The following ZNF277 variants were observed in gnomAD, a reference collection of about 807,000 sequenced individuals.
ZNF277 encodes zinc finger protein 277, also known as nuclear receptor-interacting factor 4.
ZNF277 carries 55 observed loss-of-function variants against 60.7 expected under a neutral mutation model. That is an observed-to-expected ratio of 0.91 (90% CI 0.73 to 1.13). ZNF277 has a LOEUF of 1.13. Ranked by LOEUF, ZNF277 falls within the 50% of genes most tolerant of loss-of-function variation. The pLI is 0.00. For missense variants in ZNF277, 510 were observed against 523.0 expected, an observed-to-expected ratio of 0.98 and a Z score of 0.24; for synonymous variants, 178 against 179.3, an observed-to-expected ratio of 0.99 and a Z score of 0.06.
chr7:112,309,026 C>T (rs1792663401), intron 4 of ZNF277, among the ~76,000 whole-genome samples: 1 of 151,988 alleles, frequency 6.6e-6, no homozygotes, highest in Non-Finnish European at 1.5e-5. Flanking sequence ...AAGGATGTTC[C>T]TTTCCCCCAG....
At chr7:112,333,208 T>A (rs1260054395) in intron 7 of ZNF277, among the ~76,000 whole-genome samples, 2 of 152,080 alleles carry the variant, frequency 1.3e-5, no homozygotes, top group Admixed American at 1.3e-4. Flanking sequence ...AAGGCTGACA[T>A]GAGTGCATGA....
At position 112,311,844 on chromosome 7, in the gene ZNF277, G is replaced by A. The variant is rs146107926; in HGVS notation, c.466-6338G>A. Among the ~76,000 whole-genome samples, 186 of 152,246 alleles carry A rather than the reference G, an allele frequency of 1.2e-3. 1 individual carries two copies. Among genetic ancestry groups the A allele is most frequent in the African/African-American group, 4.2e-3 (176 of 41,566 alleles). On this transcript the variant is annotated intron_variant, in intron 4 of 11. Coordinates refer to ENST00000361822, the MANE Select transcript of ZNF277 (RefSeq NM_021994.3). ...TTTTCTCCCTGATCAGCAATTGTCA[G>A]TATGTTTACCACAGAAGAAGGATGC...
At chr7:112,263,505 C>G (rs1223451736) in intron 1 of ZNF277, among the ~76,000 whole-genome samples, 1 of 152,146 alleles carries the variant, frequency 6.6e-6, no homozygotes, top group East Asian at 1.9e-4. Flanking sequence ...TAGAAACAGG[C>G]CTTCTTCTTT....
At chr7:112,262,383 A>G (rs1232694361) in intron 1 of ZNF277, among the ~76,000 whole-genome samples, 2 of 152,092 alleles carry the variant, frequency 1.3e-5, no homozygotes, top group South Asian at 4.1e-4. Context: ...CCAAAAAGAG[A>G]GCACTGTATG....
At chr7:112,265,430 T>G (rs1791530111) in intron 1 of ZNF277, among the ~76,000 whole-genome samples, 1 of 152,166 alleles carries the variant, frequency 6.6e-6, no homozygotes, top group Non-Finnish European at 1.5e-5. Context: ...CGCAATTTGT[T>G]AGCTCCCCAA....
At chr7:112,209,210 A>G (rs10235364) in intron 1 of ZNF277, among the ~76,000 whole-genome samples, 8,400 of 152,128 alleles carry the variant, frequency 0.055, 615 homozygotes, top group African/African-American at 0.17. Flanking sequence ...TAATGTTGCA[A>G]TGAACAACTT....
intron 6 of ZNF277, among the ~76,000 whole-genome samples, chr7:112,329,481 A>G (rs1356953665): frequency 1.3e-5 from 2 of 152,240 alleles, no homozygotes; most frequent in African/African-American, 2.4e-5. Flanking sequence ...TCTTATTCAC[A>G]TACATGAATA....
At chr7:112,274,121 T>A (rs1461080903) in intron 1 of ZNF277, among the ~76,000 whole-genome samples, 4 of 151,924 alleles carry the variant, frequency 2.6e-5, no homozygotes, top group African/African-American at 9.7e-5. Context: ...TGAGTGGTTA[T>A]ATGGTACTTT....
intron 6 of ZNF277, 34 bp from the exon 7 acceptor site, chr7:112,330,050 G>T: frequency 1.3e-6 from 2 of 1,590,210 alleles, no homozygotes; most frequent in Non-Finnish European, 1.7e-6. Flanking sequence ...CTATACAAGA[G>T]ACTTGTTTAT....
chr7:112,217,795 G>A (rs1176765589), intron 1 of ZNF277, among the ~76,000 whole-genome samples: 3 of 152,012 alleles, frequency 2.0e-5, no homozygotes, highest in Non-Finnish European at 4.4e-5. Flanking sequence ...TTGTTCCTAG[G>A]GATAACATCA....
chr7:112,222,518 C>A (rs1443914804), intron 1 of ZNF277, among the ~76,000 whole-genome samples: 2 of 152,128 alleles, frequency 1.3e-5, no homozygotes, highest in Non-Finnish European at 2.9e-5. Context: ...TCTGTGGTAT[C>A]AGCTGTGATA....
chr7:112,225,604 C>A (rs1425688929), intron 1 of ZNF277, among the ~76,000 whole-genome samples: 1 of 151,970 alleles, frequency 6.6e-6, no homozygotes, highest in South Asian at 2.1e-4. Context: ...TTTTTCTTTT[C>A]TTTGTGTGAA....
chr7:112,206,801 T>C lies in ZNF277; in HGVS notation c.85T>C (p.Tyr29His), dbSNP rs748764409. 1.2e-6 allele frequency: 2 copies of C among 1,612,602 alleles called. No homozygotes were observed. Residue 29 changes from tyrosine to histidine, a missense_variant, in exon 1 of 12, where the codon TAT becomes CAT. Tyr to His is a moderately conservative substitution (Grantham distance 83). Transcript: ENST00000361822. ...GSCSTVGGVG[Y>H]GDSKDCILEP... ...CTGCAGCACAGTCGGGGGTGTAGGT[T>C]ATGGGGGTGAGTACGGTGCCCCGGA...
chr7:112,296,933 T>TTTTA (rs1792365941), intron 4 of ZNF277, among the ~76,000 whole-genome samples: 1 of 93,664 alleles, frequency 1.1e-5, no homozygotes, highest in Non-Finnish European at 2.3e-5. Context: ...TTTTTTTTTT[T>TTTTA]TTTTTTTTTT....
intron 4 of ZNF277, among the ~76,000 whole-genome samples, chr7:112,313,287 T>TTC (rs1167226050): frequency 2.0e-5 from 3 of 151,782 alleles, no homozygotes; most frequent in Admixed American, 6.6e-5. Context: ...TTAAAATTTT[T>TTC]TTTTTTTTTT....
At chr7:112,308,700 T>C (rs1208787946) in intron 4 of ZNF277, among the ~76,000 whole-genome samples, 2 of 152,064 alleles carry the variant, frequency 1.3e-5, no homozygotes, top group African/African-American at 2.4e-5. Flanking sequence ...GTGCTTAGGA[T>C]GTAGAAGAGG....
At chr7:112,305,282 T>TG (rs2117091474) in intron 4 of ZNF277, among the ~76,000 whole-genome samples, 1 of 152,130 alleles carries the variant, frequency 6.6e-6, no homozygotes, top group Admixed American at 6.5e-5. Flanking sequence ...GAAGAGTTTT[T>TG]GGGGAAGATG....
chr7:112,310,476 AGAGTGTGTGTGTGTGT>A (rs1792698989), intron 4 of ZNF277, among the ~76,000 whole-genome samples: 1 of 137,526 alleles, frequency 7.3e-6, no homozygotes, highest in African/African-American at 2.9e-5. Context: ...AGAGAGAGAG[AGAGTGTGTGTGTGTGT>A]ATGTATTTTA....
intron 1 of ZNF277, among the ~76,000 whole-genome samples, chr7:112,210,942 T>C (rs776561482): frequency 6.6e-6 from 1 of 152,228 alleles, no homozygotes; most frequent in Non-Finnish European, 1.5e-5. Flanking sequence ...GGTAGCACAA[T>C]TCAGTAATAA....
Sources: gnomAD v4.1 joint callset for allele counts (sites outside exome capture counted in the v4.1 genomes callset) on GRCh38, gnomAD v4.1.1 for gene constraint, MANE v1.5 for transcripts, NCBI Gene and HGNC (gene_info 2026-07-23, HGNC 2026-07-21) for gene names.